ZNF652: variants seen among roughly 807,000 people sequenced by gnomAD.
ZNF652 encodes the protein zinc finger protein 652.
Under a neutral mutation model 45.2 loss-of-function variants are expected in ZNF652, and 16 were observed. The observed-to-expected ratio is 0.35, with a 90% CI of 0.24 to 0.54. ZNF652 has a LOEUF of 0.54. Ranked by LOEUF, ZNF652 falls within the 20% of genes least tolerant of loss-of-function variation. The pLI, the probability that ZNF652 is intolerant of heterozygous loss-of-function variation, is 0.91. For synonymous variants in ZNF652, 250 were observed against 260.6 expected, an observed-to-expected ratio of 0.96 and a Z score of 0.39; for missense variants, 614 against 765.6, an observed-to-expected ratio of 0.80 and a Z score of 2.34.
At chr17:49,331,884 G>A (rs1029136300) in intron 1 of ZNF652, among the ~76,000 whole-genome samples, 1 of 152,184 alleles carries the variant, frequency 6.6e-6, no homozygotes, top group South Asian at 2.1e-4. Context: ...CAGGAGAATC[G>A]GTTGAACCAG....
At chr17:49,318,385 A>C (rs925145204) in intron 1 of ZNF652, among the ~76,000 whole-genome samples, 1 of 152,168 alleles carries the variant, frequency 6.6e-6, no homozygotes, top group African/African-American at 2.4e-5. Context: ...CAAAATTATT[A>C]AACTCTTTAC....
At chr17:49,348,551 C>T (rs1170564898) in intron 1 of ZNF652, among the ~76,000 whole-genome samples, 2 of 134,064 alleles carry the variant, frequency 1.5e-5, no homozygotes, top group Non-Finnish European at 3.2e-5. Context: ...AAAACCCCCG[C>T]AAGGAGAGGA....
chr17:49,312,877 G>C (rs750764023), intron 2 of ZNF652, 32 bp from the exon 3 acceptor site: 1 of 1,599,246 alleles, frequency 6.3e-7, no homozygotes, highest in South Asian at 1.1e-5. Flanking sequence ...AATATTTATA[G>C]GGGCTTACAG....
At chr17:49,339,471 T>C (rs1473939112) in intron 1 of ZNF652, among the ~76,000 whole-genome samples, 1 of 152,158 alleles carries the variant, frequency 6.6e-6, no homozygotes, top group Non-Finnish European at 1.5e-5. Context: ...GATGGTTTTC[T>C]TATCAGCTTT....
At chr17:49,360,976 C>G (rs779507155) in intron 1 of ZNF652, among the ~76,000 whole-genome samples, 51 of 152,204 alleles carry the variant, frequency 3.4e-4, no homozygotes, top group Non-Finnish European at 5.7e-4. Context: ...GGGGCAAAGG[C>G]AGACTCACGC....
chr17:49,300,550 A>G (rs1032351382), intron 5 of ZNF652, among the ~76,000 whole-genome samples: 3 of 152,174 alleles, frequency 2.0e-5, no homozygotes, highest in African/African-American at 4.8e-5. Flanking sequence ...TTATGATTCT[A>G]TATGTCCATC....
rs1290866345 is a variant in ZNF652 at position 49,305,513 on chromosome 17, AGTAAAGTGCTTACAACAGTATCTG to A, written c.1309+5775_1309+5798del. ...ATAGATTATTATGATACAAAACGCA[AGTAAAGTGCTTACAACAGTATCTG>A]GTAAAGTGCTTACAACAGTATCTGG... is the stretch of plus-strand genomic sequence containing the variant. On this transcript the variant is annotated intron_variant, in intron 5 of 5. Transcript: ENST00000430262. Among the ~76,000 whole-genome samples the A allele has an allele frequency of 4.1e-3, 631 of 152,074 alleles. 7 individuals are homozygous for A. The highest frequency in any genetic ancestry group is 5.6e-3 in the Non-Finnish European group (382 of 67,964).
At position 49,360,176 on chromosome 17, in the gene ZNF652, A is replaced by G. The variant is rs182434113; in HGVS notation, c.-259+1733T>C. On this transcript the variant is annotated intron_variant, in intron 1 of 5. Transcript: ENST00000430262. ...CAAATACCTAACTTATCCTAATCAA[A>G]GAACAAAACACAAGGTTACATGCAT... Among the ~76,000 whole-genome samples the G allele has an allele frequency of 1.1e-3, 161 of 152,354 alleles. 1 individual carries two copies. Among genetic ancestry groups the G allele is most frequent in the African/African-American group, 3.6e-3 (151 of 41,588 alleles).
At chr17:49,306,769 T>C (rs916681707) in intron 5 of ZNF652, among the ~76,000 whole-genome samples, 15 of 152,194 alleles carry the variant, frequency 9.9e-5, no homozygotes, top group Non-Finnish European at 1.3e-4. Context: ...AGCTATTTTT[T>C]TGAGACGGAG....
At chr17:49,320,264 T>C (rs2069872186) in intron 1 of ZNF652, among the ~76,000 whole-genome samples, 2 of 152,248 alleles carry the variant, frequency 1.3e-5, no homozygotes, top group South Asian at 4.1e-4. Flanking sequence ...TTTTTCCTTG[T>C]GAGTTTATTC....
At chr17:49,346,358 C>T (rs1002109123) in intron 1 of ZNF652, among the ~76,000 whole-genome samples, 16 of 152,340 alleles carry the variant, frequency 1.1e-4, no homozygotes, top group Admixed American at 2.0e-4. Context: ...CGAGACCAAC[C>T]TGGCCAATGT....
At chr17:49,302,684 G>A (rs1396010193) in intron 5 of ZNF652, among the ~76,000 whole-genome samples, 4 of 152,074 alleles carry the variant, frequency 2.6e-5, no homozygotes, top group South Asian at 2.1e-4. Flanking sequence ...ACATGAGGAC[G>A]GGTGTGGTGG....
intron 1 of ZNF652, among the ~76,000 whole-genome samples, chr17:49,357,679 G>A (rs2070351918): frequency 6.6e-6 from 1 of 152,126 alleles, no homozygotes; most frequent in South Asian, 2.1e-4. Flanking sequence ...TTTATACAAG[G>A]CTTTGCACGT....
chr17:49,333,722 GAAAAAAAAAA>G (rs749640282), intron 1 of ZNF652, among the ~76,000 whole-genome samples: 2 of 56,542 alleles, frequency 3.5e-5, no homozygotes, highest in South Asian at 6.2e-4. Flanking sequence ...TCTGTCTCAA[GAAAAAAAAAA>G]AAAAAAAAAA....
At chr17:49,349,833 G>A (rs2070251143) in intron 1 of ZNF652, among the ~76,000 whole-genome samples, 1 of 152,050 alleles carries the variant, frequency 6.6e-6, no homozygotes, top group Non-Finnish European at 1.5e-5. Context: ...AATGGCCTTG[G>A]GCAGAACTAT....
intron 1 of ZNF652, among the ~76,000 whole-genome samples, chr17:49,357,065 G>A (rs988865935): frequency 1.1e-4 from 16 of 151,632 alleles, no homozygotes; most frequent in Non-Finnish European, 1.5e-4. Flanking sequence ...TTGGGAGGCT[G>A]ACGTGGGCAG....
At chr17:49,311,243 AAC>A in intron 5 of ZNF652, 67 bp downstream of exon 5, 1 of 1,468,268 alleles carries the variant, frequency 6.8e-7, no homozygotes, top group Non-Finnish European at 9.1e-7. Flanking sequence ...TTTTTTAAAA[AAC>A]AGACCCACAG....
Position 49,293,944 on chromosome 17 carries a change from A to C in ZNF652, c.*4469T>G, listed in dbSNP as rs1197070766. On this transcript the variant is annotated 3_prime_UTR_variant, in exon 6 of 6. Coordinates refer to ENST00000430262, the MANE Select transcript of ZNF652 (RefSeq NM_001145365.3). Reference sequence around the variant, plus strand: ...TTTCTATACAGTAGCTCAAACAGAAAGGTTTCTCTAACTTTAGTTTTTTAG... The same window carrying C: ...TTTCTATACAGTAGCTCAAACAGAACGGTTTCTCTAACTTTAGTTTTTTAG... Among the ~76,000 whole-genome samples the C allele has an allele frequency of 6.6e-6, 1 of 152,146 alleles. No individual in the cohort carries two copies. Among genetic ancestry groups the C allele is most frequent in the Non-Finnish European group, 1.5e-5 (1 of 68,010 alleles).
chr17:49,311,554 T>C (rs2069712234), intron 4 of ZNF652, 98 bp from the exon 5 acceptor site: 1 of 1,313,756 alleles, frequency 7.6e-7, no homozygotes, highest in African/African-American at 1.5e-5. Context: ...ATTTTTCATA[T>C]TCAAAATAGA....
Sources: allele counts gnomAD v4.1 joint callset (sites outside exome capture counted in the v4.1 genomes callset), GRCh38; gene constraint gnomAD v4.1.1; transcripts MANE v1.5; gene names NCBI Gene and HGNC (gene_info 2026-07-23, HGNC 2026-07-21).